Variants in EPN1 observed in about 807,000 individuals in gnomAD.
EPN1 encodes epsin 1.
A neutral mutation model predicts 56.9 loss-of-function variants in EPN1; 25 were observed. The observed-to-expected ratio is 0.44, with a 90% CI of 0.32 to 0.61. EPN1 has a LOEUF of 0.61. EPN1 is among the 20% of genes least tolerant of loss of function. The pLI, the probability that EPN1 is intolerant of heterozygous loss-of-function variation, is 0.05. For missense variants in EPN1, 785 were observed against 823.7 expected, an observed-to-expected ratio of 0.95 and a Z score of 0.58; for synonymous variants, 411 against 361.8, an observed-to-expected ratio of 1.14 and a Z score of -1.54.
In EPN1 at chr19:55,700,524, TGCTGGG is replaced by T. The variant is rs1157630835; in HGVS notation, c.*5169_*5174del. ...ATCCACCCGCCTCGGCCTCCCAAAG[TGCTGGG>T]ATTACAGGCGTGAGCCACGGCACCC... On this transcript the variant is annotated 3_prime_UTR_variant, in exon 11 of 11. Coordinates refer to ENST00000270460, the MANE Select transcript of EPN1 (RefSeq NM_001130072.2). 1.1e-4 allele frequency: 17 copies of T among 151,946 alleles called. No homozygotes were observed. Among genetic ancestry groups the T allele is most frequent in the African/African-American group, 3.9e-4 (16 of 41,190 alleles). 9.4% of individuals were successfully genotyped at this position (151,946 alleles called of 1,614,324 possible).
intron 1 of EPN1, chr19:55,677,607 G>T (rs1985524694): frequency 6.4e-7 from 1 of 1,551,352 alleles, no homozygotes; most frequent in Non-Finnish European, 8.7e-7. Flanking sequence ...TGCTGAGCGA[G>T]CACCTGGCAC....
rs7256441 is a variant in EPN1, at chr19:55,698,758, T to C, written c.*3402T>C. The C allele has an allele frequency of 0.16, 24,326 of 149,616 alleles. 2,634 individuals carry two copies. The highest frequency in any genetic ancestry group is 0.3 in the African/African-American group (12,346 of 41,078). The allele number at this position is 149,616 out of a possible 1,614,324, so 9.3% of individuals were successfully genotyped here. Reference sequence around the variant, plus strand: ...GAATAGGAAGAAATGCCCTTTTTTTTCCCCCCTAGAAGGAGTCTTGCTCTG... The same window carrying C: ...GAATAGGAAGAAATGCCCTTTTTTTCCCCCCCTAGAAGGAGTCTTGCTCTG... On this transcript the variant is annotated 3_prime_UTR_variant, in exon 11 of 11. Transcript: ENST00000270460.
chr19:55,696,323 G>A lies in EPN1; in HGVS notation c.*967G>A, dbSNP rs1249066893. 3 of 152,280 alleles carry A rather than the reference G, an allele frequency of 2.0e-5. No individual in the cohort carries two copies. The highest frequency in any genetic ancestry group is 4.8e-5 in the African/African-American group (2 of 41,410). The allele number at this position is 152,280 out of a possible 1,614,324, so 9.4% of individuals were successfully genotyped here. ...GGTGAGACTATCCGGGAGAATCCTC[G>A]GGCCGCCTTGTGAGGGGGGTGTTGC... On this transcript the variant is annotated 3_prime_UTR_variant, in exon 11 of 11. Coordinates refer to ENST00000270460, the MANE Select transcript of EPN1 (RefSeq NM_001130072.2).
rs1197915836 is a variant in EPN1, at chr19:55,697,204, A to G, written c.*1848A>G. The stretch of plus-strand genomic sequence containing the variant: ...GTCCCTTACGCTTGGGCTGTCCGAG[A>G]CCCTGCTGCTCTAGGCGGTTGTGAT... On this transcript the variant is annotated 3_prime_UTR_variant, in exon 11 of 11. Transcript: ENST00000270460. The G allele has an allele frequency of 6.6e-6, 1 of 151,988 alleles. No homozygotes were observed. The highest frequency in any genetic ancestry group is 1.5e-5 in the Non-Finnish European group (1 of 68,006). The allele number at this position is 151,988 out of a possible 1,614,324, so 9.4% of individuals were successfully genotyped here.
rs1018414762 is a variant in EPN1 at position 55,706,029 on chromosome 19, A to C, written c.*10673A>C. On this transcript the variant is annotated 3_prime_UTR_variant, in exon 11 of 11. Coordinates refer to ENST00000270460, the MANE Select transcript of EPN1 (RefSeq NM_001130072.2). ...GCATAGCAGTTACAAAGAAGGCCTT[A>C]TTATCTGGAAGAAAAGGGACCATAG... The C allele has an allele frequency of 5.4e-6, 1 of 185,400 alleles. No individual in the cohort carries two copies. Among genetic ancestry groups the C allele is most frequent in the Non-Finnish European group, 1.1e-5 (1 of 89,196 alleles). 11.5% of individuals were successfully genotyped at this position (185,400 alleles called of 1,614,324 possible). A position where few individuals can be genotyped will look rare whatever the true frequency, so the allele number is the denominator to read the frequency against.
Position 55,708,810 on chromosome 19 carries a change from C to T in EPN1, c.*13454C>T, listed in dbSNP as rs1987557732. 3 of 753,480 alleles carry T rather than the reference C, an allele frequency of 4.0e-6. No individual in the cohort carries two copies. The highest frequency in any genetic ancestry group is 2.4e-5 in the South Asian group (1 of 42,082). The allele number at this position is 753,480 out of a possible 1,614,324, so 46.7% of individuals were successfully genotyped here. A position where few individuals can be genotyped will look rare whatever the true frequency, so the allele number is the denominator to read the frequency against. ...TAGGGAGTACCTCTGAAATCACAGC[C>T]CTGCTGCCATGATGTGCAATTACAG... On this transcript the variant is annotated 3_prime_UTR_variant, in exon 11 of 11. Transcript: ENST00000270460.
At chr19:55,688,153 C>A (rs1029744839) in intron 3 of EPN1, among the ~76,000 whole-genome samples, 6 of 152,142 alleles carry the variant, frequency 3.9e-5, no homozygotes, top group African/African-American at 1.4e-4. Flanking sequence ...CTGGTTGGAG[C>A]CTGTCCTCTG....
intron 2 of EPN1, among the ~76,000 whole-genome samples, chr19:55,683,930 T>C (rs1045818867): frequency 3.3e-5 from 5 of 152,232 alleles, no homozygotes; most frequent in Non-Finnish European, 7.3e-5. Context: ...CGTTCTCTTA[T>C]GTGTTGTATG....
rs2122221460 is a variant in EPN1 at position 55,694,582 on chromosome 19, T to C, written c.1265-144T>C. On this transcript the variant is annotated intron_variant, in intron 9 of 10. Transcript: ENST00000270460. This position sits in a 1 kb window ranked among gnomAD's most constrained non-coding sequence, Gnocchi z 4.2. ...GGTTTTGGCCTGGGCAAGCGATGCT[T>C]CCGCTCTGCACCTCAGTTCCTCCTT... 1 of 1,041,862 alleles carries C rather than the reference T, an allele frequency of 9.6e-7. No homozygotes were observed. Among genetic ancestry groups the C allele is most frequent in the Admixed American group, 3.3e-5 (1 of 30,428 alleles). The allele number at this position is 1,041,862 out of a possible 1,614,324, so 64.5% of individuals were successfully genotyped here. A position where few individuals can be genotyped will look rare whatever the true frequency, so the allele number is the denominator to read the frequency against.
chr19:55,681,274 A>AT (rs1243788268), intron 2 of EPN1, among the ~76,000 whole-genome samples: 2 of 152,164 alleles, frequency 1.3e-5, no homozygotes, highest in African/African-American at 4.8e-5. Context: ...TTCTCATGAA[A>AT]TCCACGGTTA....
rs1027525593 is a variant in EPN1 at position 55,703,698 on chromosome 19, C to G, written c.*8342C>G. 6.6e-6 allele frequency: 1 copy of G among 152,266 alleles called. No homozygotes were observed. Among genetic ancestry groups the G allele is most frequent in the Non-Finnish European group, 1.5e-5 (1 of 68,058 alleles). 9.4% of individuals were successfully genotyped at this position (152,266 alleles called of 1,614,324 possible). A position where few individuals can be genotyped will look rare whatever the true frequency, so the allele number is the denominator to read the frequency against. ...AACTTTCTGAGATGCCGGAAATGTT[C>G]TCTGTGCTGTACAAAAGGGATGCCA... On this transcript the variant is annotated 3_prime_UTR_variant, in exon 11 of 11. Transcript: ENST00000270460.
In EPN1 at chr19:55,697,817, G is replaced by A. The variant is rs555523861; in HGVS notation, c.*2461G>A. On this transcript the variant is annotated 3_prime_UTR_variant, in exon 11 of 11. Coordinates refer to ENST00000270460, the MANE Select transcript of EPN1 (RefSeq NM_001130072.2). ...CACGGTTGAACGCTGGGAGAATGCT[G>A]GGAGCCTGCTGTTGTCCCCGATTGA... 9 of 152,084 alleles carry A rather than the reference G, an allele frequency of 5.9e-5. No individual in the cohort carries two copies. The highest frequency in any genetic ancestry group is 1.3e-4 in the Non-Finnish European group (9 of 68,038). 9.4% of individuals were successfully genotyped at this position (152,084 alleles called of 1,614,324 possible). A position where few individuals can be genotyped will look rare whatever the true frequency, so the allele number is the denominator to read the frequency against.
rs191874570 is a variant in EPN1 at position 55,691,259 on chromosome 19, C to T, written c.763-495C>T. 2.6e-5 allele frequency among the ~76,000 whole-genome samples: 4 copies of T among 151,860 alleles called. No homozygotes were observed. Among genetic ancestry groups the T allele is most frequent in the African/African-American group, 7.2e-5 (3 of 41,396 alleles). Reference sequence around the variant, plus strand: ...GACGGCGGGGCAACGTAGGGGGCATCGTGAGGGGTGCTCAGGTTGACCTGA... The same window carrying T: ...GACGGCGGGGCAACGTAGGGGGCATTGTGAGGGGTGCTCAGGTTGACCTGA... On this transcript the variant is annotated intron_variant, in intron 6 of 10. Transcript: ENST00000270460. The surrounding 1 kb of genome is among the most constrained non-coding windows in gnomAD (Gnocchi z 5.6).
Position 55,675,340 on chromosome 19 carries a change from C to A in EPN1, c.-197C>A, listed in dbSNP as rs1018388583. 2 of 151,726 alleles carry A rather than the reference C, an allele frequency of 1.3e-5. No homozygotes were observed. The highest frequency in any genetic ancestry group is 2.9e-5 in the Non-Finnish European group (2 of 67,892). The allele number at this position is 151,726 out of a possible 1,614,324, so 9.4% of individuals were successfully genotyped here. A position where few individuals can be genotyped will look rare whatever the true frequency, so the allele number is the denominator to read the frequency against. On this transcript the variant is annotated 5_prime_UTR_variant, in exon 1 of 11. Coordinates refer to ENST00000270460, the MANE Select transcript of EPN1 (RefSeq NM_001130072.2). The stretch of plus-strand genomic sequence containing the variant: ...GCGGCCCTCCTTGCGTTCGTGCGTG[C>A]GCCCGTGGCCCGGCGCACGTCCCGC...
In EPN1 at chr19:55,696,313, G is replaced by A. The variant is rs1490343079; in HGVS notation, c.*957G>A. 1 of 152,310 alleles carries A rather than the reference G, an allele frequency of 6.6e-6. No individual in the cohort carries two copies. Among genetic ancestry groups the A allele is most frequent in the Non-Finnish European group, 1.5e-5 (1 of 68,164 alleles). 9.4% of individuals were successfully genotyped at this position (152,310 alleles called of 1,614,324 possible). On this transcript the variant is annotated 3_prime_UTR_variant, in exon 11 of 11. Transcript: ENST00000270460. ...GACCACACCTGGTGAGACTATCCGG[G>A]AGAATCCTCGGGCCGCCTTGTGAGG...
intron 3 of EPN1, among the ~76,000 whole-genome samples, chr19:55,686,306 G>A (rs1986165079): frequency 6.6e-6 from 1 of 152,240 alleles, no homozygotes; most frequent in African/African-American, 2.4e-5. Flanking sequence ...TTGGTCGGGG[G>A]CTCACAGCCG....
intron 2 of EPN1, among the ~76,000 whole-genome samples, chr19:55,684,035 G>C (rs2122180298): frequency 6.6e-6 from 1 of 152,280 alleles, no homozygotes; most frequent in African/African-American, 2.4e-5. Context: ...CTTGGCTTGG[G>C]GTGTGATCAG....
chr19:55,692,611 T>G, intron 7 of EPN1, 75 bp from the exon 8 acceptor site: 1 of 987,214 alleles, frequency 1.0e-6, no homozygotes, highest in Admixed American at 3.0e-5. Context: ...GCCACAGATT[T>G]GGAGGCAATG....
chr19:55,689,324 G>T lies in EPN1; in HGVS notation c.631G>T (p.Ala211Ser). ...QPPSCGPEDD[A>S]QLQLALSLSR... ...CCCGTCCTGCGGCCCCGAGGACGAC[G>T]CCCAGCTCCAGCTGGCCCTTAGTTT... The change falls in exon 5 of 11, where the codon GCC becomes TCC. Residue 211 changes from alanine (A) to serine (S), a missense_variant. Coordinates refer to ENST00000270460, the MANE Select transcript of EPN1 (RefSeq NM_001130072.2). The surrounding 1 kb of genome is among the most constrained non-coding windows in gnomAD (Gnocchi z 5.7). 1 of 1,547,962 alleles carries T rather than the reference G, an allele frequency of 6.5e-7. No individual in the cohort carries two copies.
Sources: allele counts gnomAD v4.1 joint callset (sites outside exome capture counted in the v4.1 genomes callset), GRCh38; gene constraint gnomAD v4.1.1; non-coding constraint Gnocchi (gnomAD v3.1); transcripts MANE v1.5; gene names NCBI Gene and HGNC (gene_info 2026-07-23, HGNC 2026-07-21).